CHRNA1: variants seen among roughly 807,000 people sequenced by gnomAD.
CHRNA1 encodes the protein acetylcholine receptor subunit alpha.
Under a neutral mutation model 47.1 loss-of-function variants are expected in CHRNA1, and 35 were observed. That is an observed-to-expected ratio of 0.74 (90% CI 0.57 to 0.99). The LOEUF is 0.99. Ranked by LOEUF, CHRNA1 falls within the 50% of genes least tolerant of loss-of-function variation. CHRNA1 has a pLI of 0.00. For missense variants in CHRNA1, 506 were observed against 591.1 expected (o/e 0.86, Z 1.49); for synonymous variants, 229 against 223.6 (o/e 1.02, Z -0.22).
rs112674580 is a variant in CHRNA1 at position 174,754,215 on chromosome 2, C to A, written c.540+4G>T. 1.2e-6 allele frequency: 2 copies of A among 1,613,026 alleles called. No individual in the cohort carries two copies. Among genetic ancestry groups the A allele is most frequent in the African/African-American group, 2.7e-5 (2 of 75,024 alleles). On this transcript the variant is annotated splice_donor_region_variant and intron_variant, in intron 5 of 8. Transcript: ENST00000348749. ...CACCCTTATCATATGTGGCCACCACCTACCGGGTTGATGGCCACGACAGAG... is the reference window on the plus strand; with the variant it reads ...CACCCTTATCATATGTGGCCACCACATACCGGGTTGATGGCCACGACAGAG...
chr2:174,750,100 A>G lies in CHRNA1; in HGVS notation c.848T>C (p.Leu283Pro). Residue 283 changes from leucine to proline, a missense_variant, in exon 7 of 9, where the codon CTG becomes CCG. Leu to Pro is a moderately conservative substitution (Grantham distance 98, BLOSUM62 -3). Coordinates refer to ENST00000348749, the MANE Select transcript of CHRNA1 (RefSeq NM_000079.4). ...LTVFLLVIVE[L>P]IPSTSSAVPL... ...CACAGCACTGGACGTGGAGGGGATCAGCTCCACGATGACCAGAAGGAACAC... is the reference window on the plus strand; with the variant it reads ...CACAGCACTGGACGTGGAGGGGATCGGCTCCACGATGACCAGAAGGAACAC... 6.2e-7 allele frequency: 1 copy of G among 1,613,918 alleles called. No homozygotes were observed. The highest frequency in any genetic ancestry group is 8.5e-7 in the Non-Finnish European group (1 of 1,179,958).
intron 5 of CHRNA1, 138 bp downstream of exon 5, chr2:174,754,081 C>A: frequency 1.2e-6 from 1 of 836,472 alleles, no homozygotes. Flanking sequence ...TCTCCCTTCC[C>A]AATCAACTTG....
Position 174,750,079 on chromosome 2 carries a change from G to C in CHRNA1, c.869C>G (p.Ala290Gly). The C allele has an allele frequency of 6.2e-7, 1 of 1,613,982 alleles. No homozygotes were observed. The highest frequency in any genetic ancestry group is 1.1e-5 in the South Asian group (1 of 91,084). The change falls in exon 7 of 9, where the codon GCT becomes GGT. Residue 290 changes from alanine (A) to glycine (G), a missense_variant. Coordinates refer to ENST00000348749, the MANE Select transcript of CHRNA1 (RefSeq NM_000079.4). The stretch of plus-strand genomic sequence containing the variant: ...CATGTATTTTCCAATCAAGGGCACA[G>C]CACTGGACGTGGAGGGGATCAGCTC... ...IVELIPSTSS[A>G]VPLIGKYMLF... is the part of the protein sequence containing the mutation.
intron 1 of CHRNA1, among the ~76,000 whole-genome samples, chr2:174,761,387 C>T (rs1684097219): frequency 6.6e-6 from 1 of 152,120 alleles, no homozygotes; most frequent in African/African-American, 2.4e-5. Context: ...CTCAAGCAAT[C>T]CTCCCACCTT....
intron 3 of CHRNA1, 97 bp downstream of exon 3, chr2:174,759,234 G>A (rs1253263099): frequency 9.5e-6 from 12 of 1,259,776 alleles, no homozygotes; most frequent in Non-Finnish European, 1.4e-5. Context: ...CAACATTTTG[G>A]TATATATCCC....
intron 1 of CHRNA1, 44 bp downstream of exon 1, chr2:174,764,308 C>A (rs771127150): frequency 2.5e-6 from 4 of 1,599,706 alleles, no homozygotes; most frequent in South Asian, 1.1e-5. Context: ...AGCACTTTAG[C>A]CTCAAAGGAG....
At chr2:174,750,230 T>G in intron 6 of CHRNA1, 61 bp from the exon 7 acceptor site, 21 of 1,264,010 alleles carry the variant, frequency 1.7e-5, no homozygotes, top group South Asian at 2.5e-5. Flanking sequence ...TGGGCTGCAG[T>G]GTTCCTCCCA....
At chr2:174,756,739 C>T (rs896311038) in intron 4 of CHRNA1, among the ~76,000 whole-genome samples, 11 of 152,102 alleles carry the variant, frequency 7.2e-5, no homozygotes, top group African/African-American at 2.2e-4. Flanking sequence ...TGAAAAGGCC[C>T]GCCTTAAAAG....
chr2:174,753,668 T>G lies in CHRNA1; in HGVS notation c.613A>C (p.Lys205Gln). 12 of 1,613,994 alleles carry G rather than the reference T, an allele frequency of 7.4e-6. No homozygotes were observed. Among genetic ancestry groups the G allele is most frequent in the Non-Finnish European group, 1.0e-5 (12 of 1,179,988 alleles). ...CAGCAGGAATAGGTCACGGAGTGCT[T>G]CCAGCCCCGGGACTCCTTGATCACC... ...EWVIKESRGW[K>Q]HSVTYSCCPD... Residue 205 changes from lysine (K) to glutamine (Q), a missense_variant, in exon 6 of 9, where the codon AAG becomes CAG. Coordinates refer to ENST00000348749, the MANE Select transcript of CHRNA1 (RefSeq NM_000079.4).
Position 174,755,181 on chromosome 2 carries a change from G to A in CHRNA1, c.345-767C>T, listed in dbSNP as rs568748144. ...ATTACAGGAGTGAGCCACCGTGCCT[G>A]ACTGGCCTACTACTTTTTAAAGAAC... On this transcript the variant is annotated intron_variant, in intron 4 of 8. Transcript: ENST00000348749. 9.2e-5 allele frequency among the ~76,000 whole-genome samples: 14 copies of A among 152,192 alleles called. No individual in the cohort carries two copies. The South Asian group carries it at 2.9e-3, about 32-fold the overall frequency.
chr2:174,750,783 A>C (rs551793353), intron 6 of CHRNA1, among the ~76,000 whole-genome samples: 2 of 152,090 alleles, frequency 1.3e-5, no homozygotes, highest in Admixed American at 6.6e-5. Context: ...ACAATATTTC[A>C]TCTCATGCTC....
At chr2:174,760,242 C>A (rs943181141) in intron 1 of CHRNA1, among the ~76,000 whole-genome samples, 2 of 152,096 alleles carry the variant, frequency 1.3e-5, no homozygotes, top group African/African-American at 4.8e-5. Flanking sequence ...TAGGTCCACA[C>A]CCAAAAGAAG....
At chr2:174,751,423 G>A (rs552156215) in intron 6 of CHRNA1, among the ~76,000 whole-genome samples, 11 of 152,192 alleles carry the variant, frequency 7.2e-5, no homozygotes, top group Middle Eastern at 3.4e-3. Flanking sequence ...GGCTGCTTCC[G>A]GATGCTAGAA....
At chr2:174,751,674 C>CT in intron 6 of CHRNA1, among the ~76,000 whole-genome samples, 1 of 150,614 alleles carries the variant, frequency 6.6e-6, no homozygotes, top group East Asian at 1.9e-4. Context: ...TCTTTTCTTT[C>CT]TTTTTTTCTT....
chr2:174,753,046 T>C (rs1683888655), intron 6 of CHRNA1: 2 of 263,386 alleles, frequency 7.6e-6, no homozygotes, highest in African/African-American at 4.3e-5. Flanking sequence ...GATGCCACCA[T>C]CTGGAAAAAA....
At chr2:174,757,788 C>T in intron 3 of CHRNA1, 113 bp from the exon 4 acceptor site, 2 of 1,100,808 alleles carry the variant, frequency 1.8e-6, no homozygotes, top group Non-Finnish European at 2.7e-6. Flanking sequence ...ATTGTGCTTC[C>T]ATAAGAAAAG....
At chr2:174,756,161 C>T (rs191353315) in intron 4 of CHRNA1, among the ~76,000 whole-genome samples, 1 of 152,142 alleles carries the variant, frequency 6.6e-6, no homozygotes, top group East Asian at 1.9e-4. Flanking sequence ...TTTAAAAAGA[C>T]AGAAACCATG....
intron 5 of CHRNA1, 47 bp from the exon 6 acceptor site, chr2:174,753,787 T>A: frequency 6.4e-7 from 1 of 1,574,622 alleles, no homozygotes; most frequent in Non-Finnish European, 8.7e-7. Flanking sequence ...GTCACCCTGA[T>A]GAGGGGCAGC....
intron 1 of CHRNA1, among the ~76,000 whole-genome samples, chr2:174,763,934 A>G (rs538813004): frequency 6.6e-6 from 1 of 152,280 alleles, no homozygotes; most frequent in African/African-American, 2.4e-5. Flanking sequence ...TGGAGCAGTA[A>G]AGGGACTTGT....
Sources: allele counts gnomAD v4.1 joint callset (sites outside exome capture counted in the v4.1 genomes callset), GRCh38; gene constraint gnomAD v4.1.1; transcripts MANE v1.5; gene names NCBI Gene and HGNC (gene_info 2026-07-23, HGNC 2026-07-21).